SMPD1: variants seen among roughly 807,000 people sequenced by gnomAD.
The protein encoded by SMPD1 is sphingomyelin phosphodiesterase 1.
A neutral mutation model predicts 49.7 loss-of-function variants in SMPD1; 47 were observed. The ratio of observed to expected loss-of-function variants is 0.95; its 90% CI spans 0.75 to 1.21. The LOEUF is 1.21. SMPD1 is among the 50% of genes most tolerant of loss of function. The probability of loss-of-function intolerance (pLI) is 0.00; values close to 1 mark genes in which losing one functional copy is unlikely to be tolerated. For synonymous variants in SMPD1, 336 were observed against 339.6 expected, an observed-to-expected ratio of 0.99 and a Z score of 0.12; for missense variants, 811 against 822.2, an observed-to-expected ratio of 0.99 and a Z score of 0.17.
Position 6,391,861 on chromosome 11 carries a change from C to G in SMPD1, c.796C>G (p.Leu266Val), listed in dbSNP as rs200681698. The G allele has an allele frequency of 1.2e-5, 19 of 1,613,916 alleles. No homozygotes were observed. Among genetic ancestry groups the G allele is most frequent in the Admixed American group, 3.3e-5 (2 of 60,036 alleles). The change falls in exon 2 of 6, where the codon CTG becomes GTG. Residue 266 changes from leucine (L) to valine (V), a missense_variant. Leu to Val is a conservative substitution (Grantham distance 32, BLOSUM62 1). Coordinates refer to ENST00000342245, the MANE Select transcript of SMPD1 (RefSeq NM_000543.5). ...LRTLESLLSG[L>V]GPAGPFDMVY... ...GACCCTGGAGAGCCTGTTGAGTGGG[C>G]TGGGCCCAGCCGGCCCTTTTGATAT... is the stretch of plus-strand genomic sequence containing the variant.
intron 2 of SMPD1, among the ~76,000 whole-genome samples, chr11:6,392,466 G>C (rs1847973573): frequency 8.1e-6 from 1 of 124,028 alleles, no homozygotes; most frequent in Admixed American, 8.8e-5. Context: ...ACAGGCATCA[G>C]CTACTGCTCC....
rs754326223 is a variant in SMPD1, at chr11:6,393,655, G to A, written c.1302G>A (p.Leu434=). The change falls in exon 4 of 6, where the codon CTG becomes CTA. Residue 434 remains leucine, a synonymous_variant. Transcript: ENST00000342245. ...IIGHIPPGHC[L]KSWSWNYYRI... is the part of the protein sequence containing the mutation. ...GCCACATTCCCCCAGGGCACTGTCT[G>A]AAGAGCTGGAGCTGGAATTATTACC... 2.0e-5 allele frequency: 32 copies of A among 1,613,928 alleles called. No homozygotes were observed. Among genetic ancestry groups the A allele is most frequent in the Non-Finnish European group, 2.6e-5 (31 of 1,179,926 alleles).
Position 6,394,187 on chromosome 11 carries a change from C to T in SMPD1, c.1487-11C>T, listed in dbSNP as rs546102017. ...CTCCTTGCCCCTCCAGTCAGCCCCA[C>T]ATCCTTGCAGGTTACCGTGTGTACC... On this transcript the variant is annotated splice_polypyrimidine_tract_variant and intron_variant, in intron 5 of 5. Coordinates refer to ENST00000342245, the MANE Select transcript of SMPD1 (RefSeq NM_000543.5). 5.6e-6 allele frequency: 9 copies of T among 1,614,168 alleles called. No individual in the cohort carries two copies. The highest frequency in any genetic ancestry group is 4.4e-5 in the South Asian group (4 of 91,078).
chr11:6,390,557 G>T lies in SMPD1; in HGVS notation c.-42G>T. The T allele has an allele frequency of 1.3e-6, 2 of 1,597,330 alleles. No individual in the cohort carries two copies. The highest frequency in any genetic ancestry group is 1.1e-5 in the South Asian group (1 of 89,226). ...GGGCTGGCTAGGGTCCAGGCCGGGG[G>T]GGACGGGACAGACGAACCAGCCCCG... On this transcript the variant is annotated 5_prime_UTR_variant, in exon 1 of 6. Transcript: ENST00000342245.
At position 6,394,715 on chromosome 11, in the gene SMPD1, C is replaced by T. The variant is rs965208380; in HGVS notation, c.*108C>T. On this transcript the variant is annotated 3_prime_UTR_variant, in exon 6 of 6. Coordinates refer to ENST00000342245, the MANE Select transcript of SMPD1 (RefSeq NM_000543.5). ...AGATCATCCGGTGAAAGAACCAGTC[C>T]CTGGGCCCCAAGGATGCCGGGGAAA... The T allele has an allele frequency of 1.8e-5, 17 of 945,230 alleles. No individual in the cohort carries two copies. Among genetic ancestry groups the T allele is most frequent in the East Asian group, 7.8e-5 (3 of 38,430 alleles). 58.6% of individuals were successfully genotyped at this position (945,230 alleles called of 1,614,324 possible).
At position 6,394,547 on chromosome 11, in the gene SMPD1, G is replaced by T. The variant is rs1413475417; in HGVS notation, c.1836G>T (p.Leu612=). 2.4e-5 allele frequency: 39 copies of T among 1,608,686 alleles called. No homozygotes were observed. Among genetic ancestry groups the T allele is most frequent in the Non-Finnish European group, 3.3e-5 (39 of 1,179,978 alleles). ...ACAGCCCTGCTCTGTGCCGCCACCT[G>T]ATGCCAGATGGGAGCCTCCCAGAGG... ...RADSPALCRH[L]MPDGSLPEAQ... The change falls in exon 6 of 6, where the codon CTG becomes CTT. Residue 612 remains leucine, a synonymous_variant. Coordinates refer to ENST00000342245, the MANE Select transcript of SMPD1 (RefSeq NM_000543.5).
At chr11:6,392,611 C>T (rs1847984137) in intron 2 of SMPD1, among the ~76,000 whole-genome samples, 7 of 148,890 alleles carry the variant, frequency 4.7e-5, no homozygotes, top group African/African-American at 1.2e-4. Flanking sequence ...AATTCTGCCT[C>T]AGCCTCCCAA....
Position 6,390,639 on chromosome 11 carries a change from G to T in SMPD1, c.41G>T (p.Arg14Met). 1 of 1,613,202 alleles carries T rather than the reference G, an allele frequency of 6.2e-7. No individual in the cohort carries two copies. Among genetic ancestry groups the T allele is most frequent in the Non-Finnish European group, 8.5e-7 (1 of 1,179,808 alleles). The part of the protein sequence containing the change: ...YGASLRQSCP[R>M]SGREQGQDGT... ...GCGTCACTCCGCCAGAGCTGCCCCA[G>T]GTCCGGCCGGGAGCAGGGACAAGAC... The change falls in exon 1 of 6, where the codon AGG becomes ATG. Residue 14 changes from arginine to methionine, a missense_variant. Transcript: ENST00000342245.
chr11:6,391,230 A>T (rs182119488), intron 1 of SMPD1, among the ~76,000 whole-genome samples, 154 bp from the exon 2 acceptor site: 1 of 152,364 alleles, frequency 6.6e-6, no homozygotes, highest in East Asian at 1.9e-4. Context: ...GTTACAGGGC[A>T]ATATCTGGAA....
In SMPD1 at chr11:6,393,832, C is replaced by T. The variant is rs912828421; in HGVS notation, c.1341-64C>T. On this transcript the variant is annotated intron_variant, in intron 4 of 5. Coordinates refer to ENST00000342245, the MANE Select transcript of SMPD1 (RefSeq NM_000543.5). ...GAACAGGTTGGAGAAAGAGGGCATC[C>T]TATCTCCCCAGATGTCTTCCTACCC... The T allele has an allele frequency of 5.6e-6, 9 of 1,600,584 alleles. No homozygotes were observed. In the African/African-American group the frequency reaches 9.4e-5, roughly 17 times the overall value.
At chr11:6,393,506 G>A (rs1288477931) in intron 3 of SMPD1, 111 bp from the exon 4 acceptor site, 1 of 1,396,266 alleles carries the variant, frequency 7.2e-7, no homozygotes, top group Non-Finnish European at 1.0e-6. Flanking sequence ...TGTTCCCTGG[G>A]GATTCAGCTC....
In SMPD1 at chr11:6,394,338, G is replaced by T. The variant is rs756031857; in HGVS notation, c.1627G>T (p.Glu543Ter). 6.2e-7 allele frequency: 1 copy of T among 1,614,240 alleles called. No individual in the cohort carries two copies. Residue 543 changes from glutamate (E) to a stop codon, truncating the protein, a stop_gained, in exon 6 of 6, where the codon GAA becomes TAA. Transcript: ENST00000342245. LOFTEE classifies it high-confidence loss of function. ...PHWQLLYRAR[E>*]TYGLPNTLPT... is the part of the protein sequence containing the mutation. The stretch of plus-strand genomic sequence containing the variant: ...CTGGCAGCTTCTCTACAGGGCTCGA[G>T]AAACCTATGGGCTGCCCAACACACT...
In SMPD1 at chr11:6,394,781, G is replaced by A; in HGVS notation, c.*174G>A. On this transcript the variant is annotated 3_prime_UTR_variant, in exon 6 of 6. Coordinates refer to ENST00000342245, the MANE Select transcript of SMPD1 (RefSeq NM_000543.5). Reference sequence around the variant, plus strand: ...TCCTGGAGCTGGTTTAGCTGGATATGGGAGGGGGTTTGGCTGCCTGTGCCC... The same window carrying A: ...TCCTGGAGCTGGTTTAGCTGGATATAGGAGGGGGTTTGGCTGCCTGTGCCC... 1.5e-6 allele frequency: 1 copy of A among 655,960 alleles called. No individual in the cohort carries two copies. The highest frequency in any genetic ancestry group is 2.6e-6 in the Non-Finnish European group (1 of 379,456). The allele number at this position is 655,960 out of a possible 1,614,324, so 40.6% of individuals were successfully genotyped here.
intron 3 of SMPD1, 39 bp from the exon 4 acceptor site, chr11:6,393,578 C>T (rs1360348138): frequency 1.3e-6 from 2 of 1,545,902 alleles, no homozygotes; most frequent in Non-Finnish European, 1.8e-6. Flanking sequence ...GCCTGGACCC[C>T]TGGATGCCCT....
chr11:6,393,863 T>C (rs778520459), intron 4 of SMPD1, 33 bp from the exon 5 acceptor site: 16 of 1,613,920 alleles, frequency 9.9e-6, no homozygotes, highest in Admixed American at 1.7e-5. Flanking sequence ...TACCCCTCCC[T>C]AGAATCTTCT....
intron 2 of SMPD1, 37 bp from the exon 3 acceptor site, chr11:6,393,179 G>A (rs1225006965): frequency 1.3e-6 from 2 of 1,596,310 alleles, no homozygotes; most frequent in South Asian, 2.2e-5. Context: ...ACCAGGATTG[G>A]AACAAGTGTT....
chr11:6,393,670 G>A lies in SMPD1; in HGVS notation c.1317G>A (p.Trp439Ter). ...PPGHCLKSWS[W>*]NYYRIVARYE... ...GGCACTGTCTGAAGAGCTGGAGCTG[G>A]AATTATTACCGAATTGTAGCCAGGT... The change falls in exon 4 of 6, where the codon TGG (tryptophan) becomes TGA (stop). Residue 439 changes from tryptophan (W) to a stop codon, truncating the protein, a stop_gained. Transcript: ENST00000342245. LOFTEE classifies it high-confidence loss of function. 1 of 1,613,952 alleles carries A rather than the reference G, an allele frequency of 6.2e-7. No individual in the cohort carries two copies. The highest frequency in any genetic ancestry group is 8.5e-7 in the Non-Finnish European group (1 of 1,179,858).
chr11:6,393,262 A>T lies in SMPD1; in HGVS notation c.1138A>T (p.Ile380Phe). ...ALSPYPGLRLISLNMNFCSRE... is the reference protein window; with the variant it reads ...ALSPYPGLRLFSLNMNFCSRE... ...TTCCCCATACCCCGGTCTCCGCCTC[A>T]TCTCTCTCAATATGAATTTTTGTTC... Residue 380 changes from isoleucine to phenylalanine, a missense_variant, in exon 3 of 6, where the codon ATC (isoleucine) becomes TTC (phenylalanine). Physicochemically the swap from Ile to Phe is conservative, Grantham distance 21. Coordinates refer to ENST00000342245, the MANE Select transcript of SMPD1 (RefSeq NM_000543.5). The T allele has an allele frequency of 3.1e-6, 5 of 1,613,886 alleles. No individual in the cohort carries two copies. Among genetic ancestry groups the T allele is most frequent in the Non-Finnish European group, 4.2e-6 (5 of 1,179,854 alleles).
rs948794356 is a variant in SMPD1 at position 6,394,900 on chromosome 11, C to G, written c.*293C>G. The G allele has an allele frequency of 8.2e-6, 4 of 490,680 alleles. No homozygotes were observed. The highest frequency in any genetic ancestry group is 1.9e-5 in the African/African-American group (1 of 51,626). 30.4% of individuals were successfully genotyped at this position (490,680 alleles called of 1,614,324 possible). ...CCTGGGCAGACAAGACAGGAGCTGT[C>G]GCCCCAGGCCTGTGCTGCCCAGCCA... On this transcript the variant is annotated 3_prime_UTR_variant, in exon 6 of 6. Transcript: ENST00000342245.
Sources: gnomAD v4.1 joint callset for allele counts (sites outside exome capture counted in the v4.1 genomes callset) on GRCh38, gnomAD v4.1.1 for gene constraint, MANE v1.5 for transcripts, NCBI Gene and HGNC (gene_info 2026-07-23, HGNC 2026-07-21) for gene names.